Variants in THSD7B observed in about 807,000 individuals in gnomAD.
THSD7B encodes the protein thrombospondin type-1 domain-containing protein 7B.
THSD7B carries 138 observed loss-of-function variants against 213.6 expected under a neutral mutation model. The ratio of observed to expected loss-of-function variants is 0.65; its 90% CI spans 0.56 to 0.74. The LOEUF is 0.74. Ranked by LOEUF, THSD7B falls within the 30% of genes least tolerant of loss-of-function variation. The probability of loss-of-function intolerance (pLI) is 0.00; values close to 1 mark genes in which losing one functional copy is unlikely to be tolerated. For missense variants in THSD7B, 1,931 were observed against 1,991.5 expected (o/e 0.97, Z 0.58); for synonymous variants, 742 against 687.0 (o/e 1.08, Z -1.25).
At chr2:137,301,814 C>G (rs1453300) in intron 12 of THSD7B, among the ~76,000 whole-genome samples, 46,859 of 151,752 alleles carry the variant, frequency 0.31, 7,396 homozygotes, top group South Asian at 0.45. Flanking sequence ...AACAGTGAGA[C>G]AAGAGGCCAA....
intron 1 of THSD7B, among the ~76,000 whole-genome samples, chr2:136,829,974 C>T (rs1415101270): frequency 6.6e-6 from 1 of 151,926 alleles, no homozygotes; most frequent in East Asian, 1.9e-4. Flanking sequence ...GTTGTGGCCC[C>T]ACTGGGTATT....
At chr2:137,404,150 G>T (rs952396690) in intron 12 of THSD7B, among the ~76,000 whole-genome samples, 1 of 151,778 alleles carries the variant, frequency 6.6e-6, no homozygotes, top group Non-Finnish European at 1.5e-5. Flanking sequence ...GTTACCTCAC[G>T]ATTATTATTT....
intron 14 of THSD7B, among the ~76,000 whole-genome samples, chr2:137,446,124 T>A (rs1034478948): frequency 5.3e-5 from 8 of 152,010 alleles, no homozygotes; most frequent in Non-Finnish European, 8.8e-5. Context: ...TGGCTATTAT[T>A]TTATATAGCA....
At chr2:137,617,892 C>A (rs182069043) in intron 18 of THSD7B, among the ~76,000 whole-genome samples, 42 of 152,272 alleles carry the variant, frequency 2.8e-4, no homozygotes, top group African/African-American at 1.0e-3. Context: ...TAATTTCATT[C>A]ATGAGAGCTC....
rs183795489 is a variant in THSD7B at position 137,519,960 on chromosome 2, C to T, written c.3139-43261C>T. Among the ~76,000 whole-genome samples the T allele has an allele frequency of 2.3e-3, 349 of 152,318 alleles. 1 individual carries two copies. The highest frequency in any genetic ancestry group is 8.0e-3 in the African/African-American group (331 of 41,566). The stretch of plus-strand genomic sequence containing the variant: ...TTCAGTACCTGTTACTATTTCCTTT[C>T]TGACGTGGAAAGAAAGCTAAACACA... On this transcript the variant is annotated intron_variant, in intron 15 of 27. Coordinates refer to ENST00000409968, the MANE Select transcript of THSD7B (RefSeq NM_001316349.2).
At chr2:136,879,864 A>T (rs1270525076) in intron 1 of THSD7B, among the ~76,000 whole-genome samples, 2 of 152,210 alleles carry the variant, frequency 1.3e-5, no homozygotes, top group Non-Finnish European at 2.9e-5. Context: ...CAAAAGAGAC[A>T]AAGAAGGCCA....
At chr2:137,557,428 G>A (rs563526555) in intron 15 of THSD7B, among the ~76,000 whole-genome samples, 1 of 152,156 alleles carries the variant, frequency 6.6e-6, no homozygotes, top group South Asian at 2.1e-4. Flanking sequence ...TGAACAACCT[G>A]TTCCTGGAAA....
At chr2:137,277,401 C>T (rs1396380312) in intron 12 of THSD7B, among the ~76,000 whole-genome samples, 1 of 152,002 alleles carries the variant, frequency 6.6e-6, no homozygotes, top group Non-Finnish European at 1.5e-5. Flanking sequence ...TTAGAGCATT[C>T]CTGGTGTTTA....
intron 17 of THSD7B, among the ~76,000 whole-genome samples, chr2:137,599,320 T>C (rs1029935552): frequency 2.0e-5 from 3 of 151,390 alleles, no homozygotes; most frequent in African/African-American, 7.3e-5. Context: ...TCTTTGCTAT[T>C]GTGAATAATG....
intron 7 of THSD7B, among the ~76,000 whole-genome samples, chr2:137,228,968 C>A (rs1211044970): frequency 6.6e-6 from 1 of 152,116 alleles, no homozygotes; most frequent in East Asian, 1.9e-4. Context: ...CATAAAAGTA[C>A]CATTTCTGAA....
chr2:137,227,618 T>A (rs1448533228), intron 7 of THSD7B, among the ~76,000 whole-genome samples: 1 of 152,176 alleles, frequency 6.6e-6, no homozygotes, highest in Admixed American at 6.5e-5. Flanking sequence ...AATGGGAAGA[T>A]AATTATACCA....
At chr2:136,959,092 C>T (rs1685176596) in intron 2 of THSD7B, among the ~76,000 whole-genome samples, 1 of 152,160 alleles carries the variant, frequency 6.6e-6, no homozygotes, top group Admixed American at 6.5e-5. Flanking sequence ...AAGTGTATCG[C>T]AGACAAAGTC....
At chr2:136,976,778 C>A (rs549566838) in intron 2 of THSD7B, among the ~76,000 whole-genome samples, 1 of 152,052 alleles carries the variant, frequency 6.6e-6, no homozygotes, top group Admixed American at 6.6e-5. Flanking sequence ...CCTGCCACCA[C>A]GCCTGGCTAA....
chr2:137,224,482 G>T (rs1476750247), intron 7 of THSD7B, among the ~76,000 whole-genome samples: 1 of 152,106 alleles, frequency 6.6e-6, no homozygotes, highest in Admixed American at 6.5e-5. Context: ...TTCCCACATA[G>T]GACTACTGTG....
rs181343882 is a variant in THSD7B at position 137,065,363 on chromosome 2, T to A, written c.950+8133T>A. On this transcript the variant is annotated intron_variant, in intron 3 of 27. Coordinates refer to ENST00000409968, the MANE Select transcript of THSD7B (RefSeq NM_001316349.2). ...CTGATTTTTATATGTTGATTTTGTATCCTGTAACTTTACTAAATTTATCAG... is the reference window on the plus strand; with the variant it reads ...CTGATTTTTATATGTTGATTTTGTAACCTGTAACTTTACTAAATTTATCAG... Among the ~76,000 whole-genome samples, 893 of 152,258 alleles carry A rather than the reference T, an allele frequency of 5.9e-3. 6 individuals carry two copies. Among genetic ancestry groups the A allele is most frequent in the Non-Finnish European group, 7.4e-3 (501 of 68,000 alleles).
At chr2:137,158,099 G>C (rs1365258137) in intron 5 of THSD7B, among the ~76,000 whole-genome samples, 5 of 152,170 alleles carry the variant, frequency 3.3e-5, no homozygotes, top group Non-Finnish European at 1.5e-5. Flanking sequence ...AGAGCTCCTT[G>C]TAGCCAGACA....
intron 6 of THSD7B, among the ~76,000 whole-genome samples, chr2:137,165,951 T>C (rs1292085002): frequency 6.6e-6 from 1 of 152,092 alleles, no homozygotes; most frequent in Non-Finnish European, 1.5e-5. Context: ...TTTGTTCACA[T>C]TAAGAAAAAA....
intron 12 of THSD7B, among the ~76,000 whole-genome samples, chr2:137,299,844 T>A (rs1428992908): frequency 6.6e-6 from 1 of 152,190 alleles, no homozygotes; most frequent in Admixed American, 6.5e-5. Context: ...ATGATAGATA[T>A]GATTTTTAAA....
At chr2:137,277,745 G>A (rs1384505842) in intron 12 of THSD7B, among the ~76,000 whole-genome samples, 3 of 152,102 alleles carry the variant, frequency 2.0e-5, no homozygotes, top group Non-Finnish European at 2.9e-5. Flanking sequence ...AGCTGTGGGA[G>A]CTGGAGAGAA....
Sources: gnomAD v4.1 joint callset for allele counts (sites outside exome capture counted in the v4.1 genomes callset) on GRCh38, gnomAD v4.1.1 for gene constraint, MANE v1.5 for transcripts, NCBI Gene and HGNC (gene_info 2026-07-23, HGNC 2026-07-21) for gene names.